The following CTC1 variants were observed in gnomAD, a reference collection of about 807,000 sequenced individuals.
The protein encoded by CTC1 is CST complex subunit CTC1.
A neutral mutation model predicts 136.3 loss-of-function variants in CTC1; 91 were observed. The ratio of observed to expected loss-of-function variants is 0.67; its 90% confidence interval spans 0.56 to 0.79. The LOEUF (loss-of-function observed/expected upper bound fraction) is 0.79. CTC1 is among the 30% of genes least tolerant of loss of function. The pLI, the probability that CTC1 is intolerant of heterozygous loss-of-function variation, is 0.00. For synonymous variants in CTC1, 606 were observed against 613.8 expected (o/e 0.99, Z 0.19); for missense variants, 1,432 against 1,498.1 (o/e 0.96, Z 0.73).
chr17:8,230,759 T>C (rs1316464642), intron 15 of CTC1, 108 bp from the exon 16 acceptor site: 4 of 907,032 alleles, frequency 4.4e-6, no homozygotes, highest in African/African-American at 1.7e-5. Context: ...TAGAACTTCA[T>C]ATATAAAGTC....
chr17:8,242,514 G>A (rs1246638401), intron 2 of CTC1, among the ~76,000 whole-genome samples: 8 of 121,412 alleles, frequency 6.6e-5, no homozygotes, highest in Non-Finnish European at 1.3e-4. Context: ...GAACACTTTT[G>A]GAAATGATAG....
At chr17:8,233,281 C>T in intron 10 of CTC1, 2 of 453,336 alleles carry the variant, frequency 4.4e-6, no homozygotes, top group Non-Finnish European at 4.0e-6. Context: ...CGGGATCTCA[C>T]AGGACACAAT....
At chr17:8,232,649 T>G in intron 11 of CTC1, 174 bp from the exon 12 acceptor site, 1 of 671,742 alleles carries the variant, frequency 1.5e-6, no homozygotes, top group Non-Finnish European at 2.6e-6. Flanking sequence ...CTCTCCAAAC[T>G]AAGAATGTAG....
rs764235152 is a variant in CTC1 at position 8,231,896 on chromosome 17, A to C, written c.2385+7T>G. The C allele has an allele frequency of 1.2e-6, 2 of 1,613,754 alleles. No homozygotes were observed. Among genetic ancestry groups the C allele is most frequent in the Admixed American group, 1.7e-5 (1 of 59,992 alleles). ...TCAGGTCCTGGGTCCCTGGAGTCCC[A>C]GTTTACCTTCTGATCATTGTCGTCA... On this transcript the variant is annotated splice_region_variant and intron_variant, in intron 13 of 22. Coordinates refer to ENST00000651323, the MANE Select transcript of CTC1 (RefSeq NM_025099.6).
intron 1 of CTC1, among the ~76,000 whole-genome samples, chr17:8,244,608 C>A (rs1354544044): frequency 6.6e-6 from 1 of 152,076 alleles, no homozygotes; most frequent in East Asian, 1.9e-4. Context: ...TCACCGCAAC[C>A]TCCGCCTTCC....
chr17:8,232,441 G>A lies in CTC1; in HGVS notation c.1980C>T (p.Ile660=), dbSNP rs929139383. 9 of 1,613,916 alleles carry A rather than the reference G, an allele frequency of 5.6e-6. No individual in the cohort carries two copies. The highest frequency in any genetic ancestry group is 2.7e-5 in the African/African-American group (2 of 74,880). ...CLVRAERFQL[I]VERDVRSSFP... The stretch of plus-strand genomic sequence containing the variant: ...AGCTGCTTCTCACGTCCCTCTCTAC[G>A]ATCAACTGAAACCTCTCTGCCCGCA... The change falls in exon 12 of 23, where the codon ATC becomes ATT. Residue 660 remains isoleucine (I), a synonymous_variant. Coordinates refer to ENST00000651323, the MANE Select transcript of CTC1 (RefSeq NM_025099.6).
rs1987515484 is a variant in CTC1 at position 8,234,470 on chromosome 17, G to C, written c.1803C>G (p.Ala601=). Residue 601 remains alanine (A), a synonymous_variant, in exon 10 of 23, where the codon GCC becomes GCG. Transcript: ENST00000651323. Reference sequence around the variant, plus strand: ...TCCCCCTTACCTGGGCTGGGCAGAAGGCAGAGGGCAGCAGACAGAGCCAGG... The same window carrying C: ...TCCCCCTTACCTGGGCTGGGCAGAACGCAGAGGGCAGCAGACAGAGCCAGG... ...AWSWLCLLPS[A]FCPAQVLLGV... is the part of the protein sequence containing the mutation. 2 of 1,552,072 alleles carry C rather than the reference G, an allele frequency of 1.3e-6. No individual in the cohort carries two copies. Among genetic ancestry groups the C allele is most frequent in the African/African-American group, 2.7e-5 (2 of 73,084 alleles).
intron 1 of CTC1, among the ~76,000 whole-genome samples, chr17:8,243,545 C>T (rs1287109951): frequency 6.6e-6 from 1 of 151,608 alleles, no homozygotes; most frequent in Non-Finnish European, 1.5e-5. Context: ...AAAAGAATAT[C>T]CAGAGGGCAC....
At chr17:8,230,757 C>CAT in intron 15 of CTC1, 106 bp from the exon 16 acceptor site, 1 of 926,074 alleles carries the variant, frequency 1.1e-6, no homozygotes, top group Non-Finnish European at 1.7e-6. Context: ...GCTAGAACTT[C>CAT]ATATATAAAG....
Position 8,238,144 on chromosome 17 carries a change from G to A in CTC1, c.534C>T (p.His178=), listed in dbSNP as rs1251648065. 5.6e-6 allele frequency: 9 copies of A among 1,614,028 alleles called. No homozygotes were observed. The highest frequency in any genetic ancestry group is 4.0e-5 in the African/African-American group (3 of 74,924). Residue 178 remains histidine, a synonymous_variant, in exon 4 of 23, where the codon CAC becomes CAT. Coordinates refer to ENST00000651323, the MANE Select transcript of CTC1 (RefSeq NM_025099.6). ...GCACAGGGGCATCCCACAGCTCCAA[G>A]TGCCCTTCCCCTGAGGAATTCCACC... ...PARWNSSGEG[H]LELWDAPVPV...
At position 8,226,214 on chromosome 17, in the gene CTC1, C is replaced by A. The variant is rs566020130; in HGVS notation, c.*1966G>T. On this transcript the variant is annotated 3_prime_UTR_variant, in exon 23 of 23. Transcript: ENST00000651323. ...AAGGATGTGGATTTAGCCGCAAAAT[C>A]ACGCTGTTTCAATTGAATAAAGGCA... is the stretch of plus-strand genomic sequence containing the variant. 6.6e-6 allele frequency: 1 copy of A among 152,316 alleles called. No individual in the cohort carries two copies. The highest frequency in any genetic ancestry group is 6.5e-5 in the Admixed American group (1 of 15,282). 9.4% of individuals were successfully genotyped at this position (152,316 alleles called of 1,614,324 possible).
chr17:8,230,722 G>A (rs1987147901), intron 15 of CTC1, 71 bp from the exon 16 acceptor site: 3 of 1,315,502 alleles, frequency 2.3e-6, no homozygotes, highest in Non-Finnish European at 3.3e-6. Context: ...TCAGATTCAA[G>A]GCAGAAAATG....
intron 2 of CTC1, among the ~76,000 whole-genome samples, chr17:8,241,081 G>C (rs1050036805): frequency 2.0e-5 from 3 of 151,842 alleles, no homozygotes; most frequent in African/African-American, 7.3e-5. Context: ...CTGAGGTCAG[G>C]AGTTCAAGAC....
intron 8 of CTC1, 63 bp downstream of exon 8, chr17:8,234,990 C>G (rs1317215182): frequency 8.7e-6 from 14 of 1,602,780 alleles, no homozygotes; most frequent in Non-Finnish European, 9.4e-6. Context: ...GAATCCTGCT[C>G]TCCTTGCCAA....
chr17:8,235,438 C>T, intron 7 of CTC1, 153 bp from the exon 8 acceptor site: 1 of 631,014 alleles, frequency 1.6e-6, no homozygotes. Flanking sequence ...CATTACAACC[C>T]ACTCCCGCTG....
intron 18 of CTC1, 52 bp from the exon 19 acceptor site, chr17:8,229,498 A>G: frequency 6.5e-6 from 10 of 1,543,108 alleles, no homozygotes; most frequent in Non-Finnish European, 8.9e-6. Flanking sequence ...AGAACAGGCA[A>G]AGGGGTTCTG....
Position 8,232,961 on chromosome 17 carries a change from C to T in CTC1, c.1890G>A (p.Leu630=), listed in dbSNP as rs765952322. The stretch of plus-strand genomic sequence containing the variant: ...AGTGCTTGGCCAGGAGCAGGCAGGG[C>T]AGGGAACCACTTTGGTCCCGAAGTT... ...CLQLRDQSGS[L]PCLLLAKHSQ... The change falls in exon 11 of 23, where the codon CTG becomes CTA. Residue 630 remains leucine, a synonymous_variant. Transcript: ENST00000651323. 3 of 1,614,146 alleles carry T rather than the reference C, an allele frequency of 1.9e-6. No homozygotes were observed. Among genetic ancestry groups the T allele is most frequent in the Non-Finnish European group, 2.5e-6 (3 of 1,180,012 alleles).
Position 8,232,059 on chromosome 17 carries a change from C to T in CTC1, c.2229G>A (p.Lys743=). ...FLLCHKEALM[K]RNFCVPPGAS... is the part of the protein sequence containing the mutation. ...CTCCTGGGGGGACACAAAAATTACG[C>T]TTCATGAGGGCCTCCTTGTGGCAGA... is the stretch of plus-strand genomic sequence containing the variant. The change falls in exon 13 of 23, where the codon AAG becomes AAA. Residue 743 remains lysine, a synonymous_variant. Transcript: ENST00000651323. 6.4e-7 allele frequency: 1 copy of T among 1,567,830 alleles called. No individual in the cohort carries two copies. Among genetic ancestry groups the T allele is most frequent in the Non-Finnish European group, 8.6e-7 (1 of 1,161,942 alleles).
chr17:8,236,342 C>T lies in CTC1; in HGVS notation c.793G>A (p.Val265Ile). The change falls in exon 6 of 23, where the codon GTC becomes ATC. Residue 265 changes from valine to isoleucine, a missense_variant and splice_region_variant. By Grantham distance (29) the Val-to-Ile change is conservative (BLOSUM62 3). Coordinates refer to ENST00000651323, the MANE Select transcript of CTC1 (RefSeq NM_025099.6). ...AVTHVSIIVQ[V>I]PAQLVWHRAL... ...CTGTGCCACACCAGCTGGGCAGGGA[C>T]CTGGCTTGTGCAGAGACAGGCAATG... 1 of 1,603,876 alleles carries T rather than the reference C, an allele frequency of 6.2e-7. No homozygotes were observed. The highest frequency in any genetic ancestry group is 2.2e-5 in the East Asian group (1 of 44,844).
Sources: allele counts gnomAD v4.1 joint callset (sites outside exome capture counted in the v4.1 genomes callset), GRCh38; gene constraint gnomAD v4.1.1; transcripts MANE v1.5; gene names NCBI Gene and HGNC (gene_info 2026-07-23, HGNC 2026-07-21).